The following PRDM16 variants were observed in gnomAD, a reference collection of about 807,000 sequenced individuals.
The protein encoded by PRDM16 is PR/SET domain 16, also known as histone-lysine N-methyltransferase PRDM16.
A neutral mutation model predicts 110.6 loss-of-function variants in PRDM16; 23 were observed. That is an observed-to-expected ratio of 0.21 (90% CI 0.15 to 0.29). PRDM16 has a LOEUF of 0.29. PRDM16 is among the 10% of genes least tolerant of loss of function. The pLI is 1.00. For synonymous variants in PRDM16, 799 were observed against 781.8 expected, an observed-to-expected ratio of 1.02 and a Z score of -0.37; for missense variants, 1,615 against 1,794.3, an observed-to-expected ratio of 0.90 and a Z score of 1.81.
At chr1:3,252,643 A>C (rs1199646419) in intron 3 of PRDM16, among the ~76,000 whole-genome samples, 1 of 152,120 alleles carries the variant, frequency 6.6e-6, no homozygotes, top group Non-Finnish European at 1.5e-5. Context: ...TGGGGCAGCC[A>C]GGTCCCAGGA....
intron 1 of PRDM16, among the ~76,000 whole-genome samples, chr1:3,117,106 G>GT (rs897235335): frequency 6.6e-6 from 1 of 152,218 alleles, no homozygotes; most frequent in Non-Finnish European, 1.5e-5. Flanking sequence ...TGCTTCCTCG[G>GT]TGGGAGGAGC....
rs1040607058 is a variant in PRDM16 at position 3,074,422 on chromosome 1, TGTGTGTGCGC to T, written c.37+5134_37+5143del. ...CCATAGGGTTTTTTCTGTGTGTGTG[TGTGTGTGCGC>T]GTGTGTGTGTGCGTGTCAGGGTTTA... On this transcript the variant is annotated intron_variant, in intron 1 of 16. Transcript: ENST00000270722. 2.2e-4 allele frequency among the ~76,000 whole-genome samples: 33 copies of T among 152,142 alleles called. 1 individual carries two copies. Among genetic ancestry groups the T allele is most frequent in the African/African-American group, 7.2e-4 (30 of 41,478 alleles).
At chr1:3,168,747 G>A (rs912391114) in intron 1 of PRDM16, among the ~76,000 whole-genome samples, 6 of 152,324 alleles carry the variant, frequency 3.9e-5, no homozygotes, top group African/African-American at 9.6e-5. Context: ...GTGGGGGCCC[G>A]TGTTTCCCGG....
chr1:3,390,840 T>G lies in PRDM16; in HGVS notation c.573+5554T>G, dbSNP rs980919263. On this transcript the variant is annotated intron_variant, in intron 4 of 16. Coordinates refer to ENST00000270722, the MANE Select transcript of PRDM16 (RefSeq NM_022114.4). This position sits in a 1 kb window ranked among gnomAD's most constrained non-coding sequence, Gnocchi z 5.0. ...CTTTTATCTCTCACAGTGTGTTTTT[T>G]TTTTTTTTTTTTTAGACAGAGTTTC... Among the ~76,000 whole-genome samples the G allele has an allele frequency of 4.6e-5, 7 of 151,172 alleles. No homozygotes were observed. Among genetic ancestry groups the G allele is most frequent in the South Asian group, 2.1e-4 (1 of 4,776 alleles).
chr1:3,407,869 A>T (rs2493302), intron 8 of PRDM16, among the ~76,000 whole-genome samples: 86,424 of 152,112 alleles, frequency 0.57, 26,393 homozygotes, highest in African/African-American at 0.81. Context: ...TTGTCCACAC[A>T]CTCGGCTCAC....
At chr1:3,298,391 C>T (rs1207396577) in intron 3 of PRDM16, among the ~76,000 whole-genome samples, 1 of 152,230 alleles carries the variant, frequency 6.6e-6, no homozygotes. Flanking sequence ...GGAAGCGCTG[C>T]AGGGCTGGGT....
chr1:3,200,617 C>T (rs1008099645), intron 2 of PRDM16, among the ~76,000 whole-genome samples: 4 of 152,260 alleles, frequency 2.6e-5, no homozygotes, highest in Admixed American at 2.0e-4. Flanking sequence ...GCTGGGATTA[C>T]AGGCGTGAGC....
rs911492687 is a variant in PRDM16 at position 3,105,641 on chromosome 1, C to T, written c.37+36345C>T. On this transcript the variant is annotated intron_variant, in intron 1 of 16. Coordinates refer to ENST00000270722, the MANE Select transcript of PRDM16 (RefSeq NM_022114.4). ...TAGTATTGCGGGATGAATAGGCCAGCGCAGATTCCTATGGTAACCTTCAAA... is the reference window on the plus strand; with the variant it reads ...TAGTATTGCGGGATGAATAGGCCAGTGCAGATTCCTATGGTAACCTTCAAA... Among the ~76,000 whole-genome samples, 5 of 152,224 alleles carry T rather than the reference C, an allele frequency of 3.3e-5. No individual in the cohort carries two copies. In the South Asian group the frequency reaches 8.3e-4, roughly 25 times the overall value.
intron 2 of PRDM16, among the ~76,000 whole-genome samples, chr1:3,215,702 C>T (rs1005745898): frequency 6.6e-6 from 1 of 152,184 alleles, no homozygotes; most frequent in Non-Finnish European, 1.5e-5. Flanking sequence ...CGTGGAGGGA[C>T]GGCCGTGGCC....
At chr1:3,176,154 T>TCCATCCATCCAC in intron 1 of PRDM16, among the ~76,000 whole-genome samples, 1 of 79,614 alleles carries the variant, frequency 1.3e-5, no homozygotes, top group African/African-American at 4.2e-5. Context: ...CATTCATCTA[T>TCCATCCATCCAC]CCATCCATCC....
chr1:3,423,147 A>G (rs1638488002), intron 12 of PRDM16, among the ~76,000 whole-genome samples: 1 of 152,124 alleles, frequency 6.6e-6, no homozygotes, highest in Non-Finnish European at 1.5e-5. Context: ...TGGGATGGGG[A>G]TATGCCTCGG....
intron 1 of PRDM16, among the ~76,000 whole-genome samples, chr1:3,121,192 CT>C (rs1421024161): frequency 6.6e-6 from 1 of 152,172 alleles, no homozygotes; most frequent in East Asian, 1.9e-4. Flanking sequence ...GGCCCCCGAG[CT>C]GCGTAAGATC....
intron 1 of PRDM16, among the ~76,000 whole-genome samples, chr1:3,118,172 G>A (rs1557460633): frequency 6.6e-6 from 1 of 151,754 alleles, no homozygotes; most frequent in Non-Finnish European, 1.5e-5. Context: ...GTGTGTGTTT[G>A]GAAAGATTGT....
chr1:3,156,818 G>A (rs1215637456), intron 1 of PRDM16, among the ~76,000 whole-genome samples: 2 of 152,194 alleles, frequency 1.3e-5, no homozygotes, highest in Non-Finnish European at 2.9e-5. Flanking sequence ...GCTCTTCGAG[G>A]GGGGAAGCAG....
chr1:3,197,734 G>A (rs949970220), intron 2 of PRDM16, among the ~76,000 whole-genome samples: 3 of 152,220 alleles, frequency 2.0e-5, no homozygotes, highest in South Asian at 2.1e-4. Flanking sequence ...GTGGCCTGGC[G>A]GCTCCCTGGA....
intron 1 of PRDM16, among the ~76,000 whole-genome samples, chr1:3,088,060 G>C (rs571975274): frequency 6.6e-6 from 1 of 152,152 alleles, no homozygotes; most frequent in African/African-American, 2.4e-5. Context: ...GCCTGGTGGA[G>C]ATTTATGAGG....
chr1:3,410,257 C>T (rs563229730), intron 8 of PRDM16, among the ~76,000 whole-genome samples: 1 of 152,224 alleles, frequency 6.6e-6, no homozygotes, highest in Admixed American at 6.5e-5. Context: ...CAACCGTTCA[C>T]AGGCCTTTAG....
Position 3,390,713 on chromosome 1 carries a change from G to C in PRDM16, c.573+5427G>C, listed in dbSNP as rs559607167. ...GCTCTGACCCGGGTCCCGCGTTTCT[G>C]TCTGGGCGTGTGCCCTGTCAGGGTT... On this transcript the variant is annotated intron_variant, in intron 4 of 16. Transcript: ENST00000270722. This position sits in a 1 kb window ranked among gnomAD's most constrained non-coding sequence, Gnocchi z 5.0. Among the ~76,000 whole-genome samples, 3 of 152,292 alleles carry C rather than the reference G, an allele frequency of 2.0e-5. No individual in the cohort carries two copies. The highest frequency in any genetic ancestry group is 2.0e-4 in the Admixed American group (3 of 15,294).
At chr1:3,378,836 C>A (rs1037459901) in intron 3 of PRDM16, among the ~76,000 whole-genome samples, 1 of 152,054 alleles carries the variant, frequency 6.6e-6, no homozygotes, top group African/African-American at 2.4e-5. Flanking sequence ...AGGAGCATTT[C>A]TCTGATCTGA....
Sources: gnomAD v4.1 joint callset for allele counts (sites outside exome capture counted in the v4.1 genomes callset) on GRCh38, gnomAD v4.1.1 for gene constraint, Gnocchi (gnomAD v3.1) non-coding constraint, MANE v1.5 for transcripts, NCBI Gene and HGNC (gene_info 2026-07-23, HGNC 2026-07-21) for gene names.